Variants in LMBR1 observed in about 807,000 individuals in gnomAD.
LMBR1 encodes limb development membrane protein 1.
Under a neutral mutation model 73.9 loss-of-function variants are expected in LMBR1, and 52 were observed. The ratio of observed to expected loss-of-function variants is 0.70; its 90% CI spans 0.56 to 0.89. LMBR1 has a LOEUF of 0.89. Ranked by LOEUF, LMBR1 falls within the 40% of genes least tolerant of loss-of-function variation. The probability of loss-of-function intolerance (pLI) is 0.00; values close to 1 mark genes in which losing one functional copy is unlikely to be tolerated. For synonymous variants in LMBR1, 215 were observed against 209.4 expected (o/e 1.03, Z -0.23); for missense variants, 539 against 579.8 (o/e 0.93, Z 0.72).
chr7:156,725,538 A>G lies in LMBR1; in HGVS notation c.1068-13T>C. On this transcript the variant is annotated splice_polypyrimidine_tract_variant and intron_variant, in intron 13 of 16. Transcript: ENST00000353442. ...CACCATAAGATAGCTGTGAGAATCA[A>G]GGAAAAAAACTCTCCAACAGAATGC... 2 of 1,559,786 alleles carry G rather than the reference A, an allele frequency of 1.3e-6. No individual in the cohort carries two copies. Among genetic ancestry groups the G allele is most frequent in the Non-Finnish European group, 1.7e-6 (2 of 1,145,362 alleles).
intron 5 of LMBR1, among the ~76,000 whole-genome samples, chr7:156,795,379 G>C (rs1435184542): frequency 6.6e-6 from 1 of 152,118 alleles, no homozygotes; most frequent in African/African-American, 2.4e-5. Context: ...CTTTTCATCT[G>C]TGTCCCCAGC....
At chr7:156,818,623 G>A (rs1834291790) in intron 4 of LMBR1, among the ~76,000 whole-genome samples, 1 of 151,956 alleles carries the variant, frequency 6.6e-6, no homozygotes, top group African/African-American at 2.4e-5. Flanking sequence ...CAATTCAGTG[G>A]CATTTGCACT....
rs1039407879 is a variant in LMBR1 at position 156,727,729 on chromosome 7, G to C, written c.993+201C>G. 2.0e-5 allele frequency among the ~76,000 whole-genome samples: 3 copies of C among 151,832 alleles called. No individual in the cohort carries two copies. In the East Asian group the frequency reaches 5.8e-4, roughly 29 times the overall value. On this transcript the variant is annotated intron_variant, in intron 12 of 16. Coordinates refer to ENST00000353442, the MANE Select transcript of LMBR1 (RefSeq NM_022458.4). ...AAGGAAATTCCAACACTTGAAAAAA[G>C]GCCCTGTCAATCCAAAGTAAAAAAT...
intron 5 of LMBR1, among the ~76,000 whole-genome samples, chr7:156,773,447 A>G (rs1438764617): frequency 6.6e-6 from 1 of 152,206 alleles, no homozygotes; most frequent in Non-Finnish European, 1.5e-5. Flanking sequence ...AAACTATACT[A>G]CAAGGCTACA....
At chr7:156,781,097 T>C (rs1459179747) in intron 5 of LMBR1, among the ~76,000 whole-genome samples, 1 of 152,062 alleles carries the variant, frequency 6.6e-6, no homozygotes, top group East Asian at 1.9e-4. Flanking sequence ...TTTCATTTCA[T>C]GAAACACTCA....
At chr7:156,746,748 A>G (rs1336675264) in intron 9 of LMBR1, among the ~76,000 whole-genome samples, 2 of 152,194 alleles carry the variant, frequency 1.3e-5, no homozygotes, top group South Asian at 2.1e-4. Flanking sequence ...TTTTGAGTAA[A>G]TATTTCATTA....
At chr7:156,672,996 C>T (rs1020587589), downstream of LMBR1, among the ~76,000 whole-genome samples, 5 of 152,216 alleles carry the variant, frequency 3.3e-5, no homozygotes, top group African/African-American at 7.2e-5. Context: ...TCGGCAGGCC[C>T]GGGGCAAAGC....
intron 15 of LMBR1, among the ~76,000 whole-genome samples, chr7:156,710,872 C>G (rs1372720340): frequency 6.6e-6 from 1 of 152,110 alleles, no homozygotes; most frequent in East Asian, 1.9e-4. Flanking sequence ...TACCTGTAGT[C>G]CCCTGAAACA....
chr7:156,779,036 A>G (rs187684306), intron 5 of LMBR1, among the ~76,000 whole-genome samples: 1 of 152,356 alleles, frequency 6.6e-6, no homozygotes, highest in African/African-American at 2.4e-5. Flanking sequence ...AAAACACTGT[A>G]AACAAGGAAG....
chr7:156,859,889 A>C (rs1263890991), intron 1 of LMBR1, among the ~76,000 whole-genome samples: 1 of 152,244 alleles, frequency 6.6e-6, no homozygotes, highest in Non-Finnish European at 1.5e-5. Context: ...ACCTGACTTC[A>C]GGAGACTTAT....
chr7:156,889,593 AG>A (rs1279305406), intron 1 of LMBR1, among the ~76,000 whole-genome samples: 2 of 152,190 alleles, frequency 1.3e-5, no homozygotes, highest in Admixed American at 6.6e-5. Flanking sequence ...TCAACCAGCC[AG>A]GGGTACTGGG....
intron 1 of LMBR1, among the ~76,000 whole-genome samples, chr7:156,864,995 CAA>C (rs1183278800): frequency 2.5e-4 from 24 of 95,196 alleles, no homozygotes; most frequent in Admixed American, 2.2e-4. Context: ...GACTCTGTCT[CAA>C]AAAAAAAAAA....
chr7:156,862,494 T>C (rs1391893068), intron 1 of LMBR1, among the ~76,000 whole-genome samples: 3 of 123,138 alleles, frequency 2.4e-5, no homozygotes, highest in African/African-American at 6.0e-5. Context: ...GAAAATAACA[T>C]AGAAAAAAAA....
chr7:156,714,400 G>A (rs533969651), intron 15 of LMBR1, among the ~76,000 whole-genome samples: 1 of 152,234 alleles, frequency 6.6e-6, no homozygotes, highest in African/African-American at 2.4e-5. Context: ...AAAATTACTC[G>A]CAGTAAACAA....
chr7:156,813,879 T>G (rs188606178), intron 4 of LMBR1, among the ~76,000 whole-genome samples: 1 of 152,294 alleles, frequency 6.6e-6, no homozygotes, highest in African/African-American at 2.4e-5. Context: ...GTCCTAGTTT[T>G]TTTTTATCTT....
At chr7:156,889,260 G>C (rs1437219154) in intron 1 of LMBR1, among the ~76,000 whole-genome samples, 8 of 152,116 alleles carry the variant, frequency 5.3e-5, no homozygotes, top group Admixed American at 5.2e-4. Flanking sequence ...TCAAGTTTCA[G>C]TTGATGAAAA....
At chr7:156,702,536 T>G (rs1458365469) in intron 15 of LMBR1, among the ~76,000 whole-genome samples, 1 of 148,272 alleles carries the variant, frequency 6.7e-6, no homozygotes, top group African/African-American at 2.5e-5. Flanking sequence ...TTTGTTAGAC[T>G]GAAAAAATTT....
At chr7:156,707,324 C>A (rs939062700) in intron 15 of LMBR1, among the ~76,000 whole-genome samples, 1 of 152,144 alleles carries the variant, frequency 6.6e-6, no homozygotes, top group African/African-American at 2.4e-5. Context: ...AGAACTAATA[C>A]CAATCCTCCT....
chr7:156,872,824 C>T (rs1445145637), intron 1 of LMBR1, among the ~76,000 whole-genome samples: 1 of 152,122 alleles, frequency 6.6e-6, no homozygotes, highest in Non-Finnish European at 1.5e-5. Context: ...TGTGGAGACT[C>T]ACATCGTGAA....
Sources: gnomAD v4.1 joint callset for allele counts (sites outside exome capture counted in the v4.1 genomes callset) on GRCh38, gnomAD v4.1.1 for gene constraint, MANE v1.5 for transcripts, NCBI Gene and HGNC (gene_info 2026-07-23, HGNC 2026-07-21) for gene names.